Variants in PDE7A observed in about 807,000 individuals in gnomAD.
The protein encoded by PDE7A is phosphodiesterase 7A.
In PDE7A, 39 loss-of-function variants were observed where a neutral mutation model predicts 64.3. The observed-to-expected ratio is 0.61, with a 90% CI of 0.47 to 0.79. PDE7A has a LOEUF of 0.79. Among genes scored for constraint, PDE7A ranks in the 30% least tolerant of loss-of-function variants. The probability of loss-of-function intolerance (pLI) is 0.00; values close to 1 mark genes in which losing one functional copy is unlikely to be tolerated. For synonymous variants in PDE7A, 203 were observed against 206.8 expected (o/e 0.98, Z 0.16); for missense variants, 470 against 582.8 (o/e 0.81, Z 1.99).
intron 5 of PDE7A, among the ~76,000 whole-genome samples, chr8:65,743,907 A>G (rs1338069485): frequency 1.3e-5 from 2 of 151,384 alleles, no homozygotes; most frequent in Non-Finnish European, 2.9e-5. Flanking sequence ...ATCTCAGCTC[A>G]CTGCAACCTT....
At position 65,741,061 on chromosome 8, in the gene PDE7A, T is replaced by C. The variant is rs113214390; in HGVS notation, c.500-1464A>G. 7.2e-5 allele frequency among the ~76,000 whole-genome samples: 11 copies of C among 152,356 alleles called. 1 individual carries two copies. The highest frequency in any genetic ancestry group is 2.6e-4 in the African/African-American group (11 of 41,574). On this transcript the variant is annotated intron_variant, in intron 5 of 12. Transcript: ENST00000401827. Reference sequence around the variant, plus strand: ...AAATTTGGAAAAACTACCATTTTTATGATGTTTCGTTTTCCCTTCCATGGT... The same window carrying C: ...AAATTTGGAAAAACTACCATTTTTACGATGTTTCGTTTTCCCTTCCATGGT...
intron 1 of PDE7A, among the ~76,000 whole-genome samples, chr8:65,808,488 T>C (rs1480051132): frequency 2.0e-5 from 3 of 152,160 alleles, no homozygotes; most frequent in Non-Finnish European, 4.4e-5. Flanking sequence ...AAAAACAAAC[T>C]GATTATAAAA....
intron 1 of PDE7A, among the ~76,000 whole-genome samples, chr8:65,814,144 C>G (rs1031274126): frequency 2.0e-5 from 3 of 152,114 alleles, no homozygotes; most frequent in East Asian, 1.9e-4. Context: ...TGAAAATGAC[C>G]TATTATACTG....
At chr8:65,788,642 A>C (rs867700453) in intron 1 of PDE7A, among the ~76,000 whole-genome samples, 25 of 152,302 alleles carry the variant, frequency 1.6e-4, no homozygotes, top group Middle Eastern at 6.8e-3. Flanking sequence ...ATACTGAGGA[A>C]TGCTGCTTTG....
intron 1 of PDE7A, among the ~76,000 whole-genome samples, chr8:65,797,960 G>C (rs1316422596): frequency 1.3e-5 from 2 of 149,576 alleles, no homozygotes; most frequent in Non-Finnish European, 3.0e-5. Flanking sequence ...AAGATTTCTA[G>C]ACACAAGAAC....
chr8:65,726,969 A>T lies in PDE7A; in HGVS notation c.829-3T>A. 6.5e-7 allele frequency: 1 copy of T among 1,529,478 alleles called. No homozygotes were observed. Among genetic ancestry groups the T allele is most frequent in the Non-Finnish European group, 9.1e-7 (1 of 1,104,680 alleles). 94.7% of individuals were successfully genotyped at this position (1,529,478 alleles called of 1,614,324 possible). The stretch of plus-strand genomic sequence containing the variant: ...TGATTTTCCAGTACTGAGGTATTCT[A>T]CAACAAAGGACGTTTCTGAGTTACT... On this transcript the variant is annotated splice_region_variant and splice_polypyrimidine_tract_variant and intron_variant, in intron 8 of 12. Coordinates refer to ENST00000401827, the MANE Select transcript of PDE7A (RefSeq NM_001242318.3).
intron 1 of PDE7A, 105 bp downstream of exon 1, chr8:65,841,266 A>G: frequency 8.0e-7 from 1 of 1,257,398 alleles, no homozygotes; most frequent in Non-Finnish European, 1.0e-6. Context: ...ATCCCCAGAC[A>G]ATGGACAATG....
At chr8:65,760,997 A>G (rs1420882980) in intron 3 of PDE7A, among the ~76,000 whole-genome samples, 3 of 152,192 alleles carry the variant, frequency 2.0e-5, no homozygotes, top group African/African-American at 4.8e-5. Context: ...CATCCGAACA[A>G]TTACTAAAAA....
intron 1 of PDE7A, among the ~76,000 whole-genome samples, chr8:65,785,213 T>C (rs1809517292): frequency 6.6e-6 from 1 of 152,154 alleles, no homozygotes; most frequent in African/African-American, 2.4e-5. Context: ...AAATTCTAAC[T>C]ATCACCACTG....
chr8:65,758,517 A>ACAAATCTTG (rs990877430), intron 3 of PDE7A, among the ~76,000 whole-genome samples: 1 of 152,198 alleles, frequency 6.6e-6, no homozygotes, highest in Non-Finnish European at 1.5e-5. Flanking sequence ...AGAAAAAGAC[A>ACAAATCTTG]CAAATCTTGT....
chr8:65,802,969 C>T (rs569807767), intron 1 of PDE7A, among the ~76,000 whole-genome samples: 1 of 152,260 alleles, frequency 6.6e-6, no homozygotes, highest in East Asian at 1.9e-4. Flanking sequence ...CTCACTTGCT[C>T]CTGCTTTTGC....
At chr8:65,779,948 T>C (rs1279503039) in intron 2 of PDE7A, 145 bp from the exon 3 acceptor site, 4 of 432,504 alleles carry the variant, frequency 9.2e-6, no homozygotes, top group Non-Finnish European at 1.6e-5. Flanking sequence ...TAAGAGCTGA[T>C]TTATTCAAAA....
At chr8:65,821,596 C>T (rs1263156052) in intron 1 of PDE7A, among the ~76,000 whole-genome samples, 1 of 152,070 alleles carries the variant, frequency 6.6e-6, no homozygotes, top group East Asian at 1.9e-4. Context: ...AGAAGTGGTA[C>T]CCCGACTCCC....
intron 5 of PDE7A, among the ~76,000 whole-genome samples, chr8:65,741,520 G>A (rs1205350201): frequency 6.6e-6 from 1 of 152,196 alleles, no homozygotes; most frequent in African/African-American, 2.4e-5. Flanking sequence ...AGATGTGGCA[G>A]GCCAAAAGAG....
intron 1 of PDE7A, among the ~76,000 whole-genome samples, chr8:65,794,865 A>G (rs1010726566): frequency 6.6e-6 from 1 of 152,226 alleles, no homozygotes; most frequent in African/African-American, 2.4e-5. Context: ...CCAGAGTGCT[A>G]TAAGTACCAA....
At chr8:65,813,981 C>G (rs1563517405) in intron 1 of PDE7A, among the ~76,000 whole-genome samples, 1 of 152,142 alleles carries the variant, frequency 6.6e-6, no homozygotes, top group Admixed American at 6.5e-5. Flanking sequence ...TGATTTTATT[C>G]TCTTTTATTA....
intron 5 of PDE7A, among the ~76,000 whole-genome samples, chr8:65,741,701 C>T (rs555832740): frequency 5.9e-5 from 9 of 152,286 alleles, no homozygotes; most frequent in South Asian, 4.1e-4. Context: ...AAGTGAACAA[C>T]GTGTCTGTTG....
intron 1 of PDE7A, among the ~76,000 whole-genome samples, chr8:65,811,326 T>C (rs1810256529): frequency 6.6e-6 from 1 of 152,184 alleles, no homozygotes; most frequent in South Asian, 2.1e-4. Context: ...TAGTGAAGAC[T>C]CTCACTGTGG....
intron 1 of PDE7A, among the ~76,000 whole-genome samples, chr8:65,804,541 T>C (rs1000188402): frequency 1.5e-5 from 1 of 66,286 alleles, no homozygotes; most frequent in African/African-American, 1.4e-4. Flanking sequence ...ATTTTGTTGC[T>C]TTTTTTTTTT....
Sources: gnomAD v4.1 joint callset for allele counts (sites outside exome capture counted in the v4.1 genomes callset) on GRCh38, gnomAD v4.1.1 for gene constraint, MANE v1.5 for transcripts, NCBI Gene and HGNC (gene_info 2026-07-23, HGNC 2026-07-21) for gene names.